RAB28: variants seen among roughly 807,000 people sequenced by gnomAD.
RAB28 encodes the protein ras-related protein Rab-28.
A neutral mutation model predicts 31.7 loss-of-function variants in RAB28; 24 were observed. The ratio of observed to expected loss-of-function variants is 0.76; its 90% confidence interval spans 0.55 to 1.06. The LOEUF is 1.06. Among genes scored for constraint, RAB28 ranks in the 50% least tolerant of loss-of-function variants. The pLI is 0.00. For missense variants in RAB28, 254 were observed against 258.5 expected, an observed-to-expected ratio of 0.98 and a Z score of 0.12; for synonymous variants, 100 against 90.4, an observed-to-expected ratio of 1.11 and a Z score of -0.60.
chr4:13,415,100 A>G (rs1712669235), intron 4 of RAB28, among the ~76,000 whole-genome samples: 1 of 152,248 alleles, frequency 6.6e-6, no homozygotes, highest in Non-Finnish European at 1.5e-5. Flanking sequence ...GGTAAGGAAG[A>G]AGAATCATCA....
At chr4:13,415,637 TG>T (rs1205227865) in intron 4 of RAB28, among the ~76,000 whole-genome samples, 1 of 152,136 alleles carries the variant, frequency 6.6e-6, no homozygotes, top group East Asian at 1.9e-4. Flanking sequence ...CAGCCCGCCA[TG>T]CCTGAGCCTC....
intron 4 of RAB28, among the ~76,000 whole-genome samples, chr4:13,436,527 T>C (rs1046747697): frequency 3.9e-5 from 6 of 152,140 alleles, no homozygotes; most frequent in Non-Finnish European, 7.4e-5. Context: ...ACAAAATCAA[T>C]GTAAACAAAT....
rs536091396 is a variant in RAB28, at chr4:13,440,924, A to G, written c.391+19775T>C. The stretch of plus-strand genomic sequence containing the variant: ...CGTACATGCCACTGAGAAAGGCCTT[A>G]GAATGAAACCAATCAATTAGGAATG... On this transcript the variant is annotated intron_variant, in intron 4 of 6. Coordinates refer to ENST00000330852, the MANE Select transcript of RAB28 (RefSeq NM_001017979.3). Among the ~76,000 whole-genome samples the G allele has an allele frequency of 2.0e-5, 3 of 152,288 alleles. No homozygotes were observed. The East Asian group carries it at 5.8e-4, about 29-fold the overall frequency.
chr4:13,444,913 T>C (rs912496446), intron 4 of RAB28, among the ~76,000 whole-genome samples: 3 of 152,186 alleles, frequency 2.0e-5, no homozygotes, highest in Admixed American at 2.0e-4. Flanking sequence ...TTCCTGAATT[T>C]GAATGTCGGC....
At position 13,381,531 on chromosome 4, in the gene RAB28, C is replaced by T. The variant is rs748725480; in HGVS notation, c.455G>A (p.Gly152Asp). 3 of 1,613,160 alleles carry T rather than the reference C, an allele frequency of 1.9e-6. No homozygotes were observed. In the East Asian group the frequency reaches 6.7e-5, roughly 36 times the overall value. ...GGCTGAGACAAAGTGGCTACTAAAA[C>T]CATTTTCCTGGCAAAACCGTAAGTG... ...EKHLRFCQEN[G>D]FSSHFVSAKT... The change falls in exon 5 of 7, where the codon GGT (glycine) becomes GAT (aspartate). Residue 152 changes from glycine to aspartate, a missense_variant. Gly to Asp is a moderately conservative substitution (Grantham distance 94, BLOSUM62 -1). Transcript: ENST00000330852.
chr4:13,404,257 A>T (rs888178572), intron 4 of RAB28, among the ~76,000 whole-genome samples: 2 of 152,282 alleles, frequency 1.3e-5, no homozygotes, highest in Admixed American at 6.5e-5. Flanking sequence ...GCATGCCTAT[A>T]ATCCCAGCTA....
intron 3 of RAB28, among the ~76,000 whole-genome samples, chr4:13,461,399 T>A (rs7668060): frequency 0.073 from 11,051 of 152,214 alleles, 966 homozygotes; most frequent in African/African-American, 0.21. Context: ...TTCATATACT[T>A]GAGCAGAGTT....
intron 1 of RAB28, among the ~76,000 whole-genome samples, chr4:13,480,065 GAA>G (rs922343826): frequency 2.3e-4 from 35 of 151,684 alleles, no homozygotes; most frequent in African/African-American, 8.0e-4. Context: ...TGACCCTAAA[GAA>G]AGACTGTGAC....
intron 4 of RAB28, among the ~76,000 whole-genome samples, chr4:13,442,670 TAAGAG>T (rs957905258): frequency 6.6e-6 from 1 of 152,036 alleles, no homozygotes; most frequent in African/African-American, 2.4e-5. Flanking sequence ...CCATTACCCA[TAAGAG>T]AAGACAGGAT....
At chr4:13,416,663 C>A (rs1371861007) in intron 4 of RAB28, among the ~76,000 whole-genome samples, 1 of 152,090 alleles carries the variant, frequency 6.6e-6, no homozygotes, top group Non-Finnish European at 1.5e-5. Context: ...AGACTGAATG[C>A]AAACTTTCTG....
chr4:13,470,912 C>A (rs924519893), intron 3 of RAB28, among the ~76,000 whole-genome samples: 16 of 151,970 alleles, frequency 1.1e-4, no homozygotes, highest in Non-Finnish European at 2.2e-4. Flanking sequence ...TTGCTGGGGG[C>A]AAAGGGACTG....
chr4:13,451,424 T>C (rs1290234123), intron 4 of RAB28, among the ~76,000 whole-genome samples: 1 of 151,008 alleles, frequency 6.6e-6, no homozygotes, highest in East Asian at 1.9e-4. Flanking sequence ...TTTTGTCTTT[T>C]GTTTTGGTTT....
chr4:13,464,221 T>C (rs1690128132), intron 3 of RAB28, among the ~76,000 whole-genome samples: 1 of 152,006 alleles, frequency 6.6e-6, no homozygotes, highest in African/African-American at 2.4e-5. Context: ...ATTCCAGATA[T>C]CCCACCAGAT....
intron 1 of RAB28, among the ~76,000 whole-genome samples, chr4:13,481,379 T>C (rs1407665257): frequency 6.6e-6 from 1 of 152,092 alleles, no homozygotes; most frequent in Non-Finnish European, 1.5e-5. Flanking sequence ...TGGGGGTCAC[T>C]TTCTCTTCAC....
intron 3 of RAB28, among the ~76,000 whole-genome samples, chr4:13,467,877 C>A (rs1044014615): frequency 6.6e-6 from 1 of 151,680 alleles, no homozygotes; most frequent in Non-Finnish European, 1.5e-5. Context: ...ATATTGCCTA[C>A]GGAAAACTGA....
intron 4 of RAB28, among the ~76,000 whole-genome samples, chr4:13,424,265 G>A (rs1474741238): frequency 2.0e-5 from 3 of 152,130 alleles, no homozygotes; most frequent in Non-Finnish European, 4.4e-5. Context: ...TCAAGATGTT[G>A]ACAGGGCCAA....
intron 4 of RAB28, among the ~76,000 whole-genome samples, chr4:13,392,995 CAT>C (rs1729708738): frequency 6.6e-6 from 1 of 152,138 alleles, no homozygotes; most frequent in East Asian, 1.9e-4. Context: ...ATGTGCCTGG[CAT>C]ATACTCAATA....
At chr4:13,401,836 G>C (rs1711782986) in intron 4 of RAB28, among the ~76,000 whole-genome samples, 1 of 151,488 alleles carries the variant, frequency 6.6e-6, no homozygotes, top group African/African-American at 2.4e-5. Context: ...TTTCATTTTC[G>C]ATATTCTTAA....
At chr4:13,444,630 A>C (rs555533250) in intron 4 of RAB28, among the ~76,000 whole-genome samples, 1 of 152,340 alleles carries the variant, frequency 6.6e-6, no homozygotes, top group Admixed American at 6.5e-5. Flanking sequence ...ACAGTATACA[A>C]GGGTTCCTTT....
Sources: gnomAD v4.1 joint callset for allele counts (sites outside exome capture counted in the v4.1 genomes callset) on GRCh38, gnomAD v4.1.1 for gene constraint, MANE v1.5 for transcripts, NCBI Gene and HGNC (gene_info 2026-07-23, HGNC 2026-07-21) for gene names.